Variants in FAM163A observed in about 807,000 individuals in gnomAD.
FAM163A encodes the protein protein FAM163A.
FAM163A carries 7 observed loss-of-function variants against 12.0 expected under a neutral mutation model. The observed-to-expected ratio is 0.58, with a 90% CI of 0.33 to 1.10. The LOEUF is 1.10. Ranked by LOEUF, FAM163A falls within the 50% of genes least tolerant of loss-of-function variation. The pLI is 0.03. For synonymous variants in FAM163A, 101 were observed against 91.0 expected, an observed-to-expected ratio of 1.11 and a Z score of -0.62; for missense variants, 202 against 218.6, an observed-to-expected ratio of 0.92 and a Z score of 0.48.
rs1557990575 is a variant in FAM163A, at chr1:179,815,110, CACA to C, written c.*922_*924del. 2.0e-3 allele frequency: 95 copies of C among 47,426 alleles called. 2 individuals are homozygous for C. Among genetic ancestry groups the C allele is most frequent in the African/African-American group, 0.012 (93 of 7,492 alleles). The allele number at this position is 47,426 out of a possible 1,614,324, so 2.9% of individuals were successfully genotyped here. On this transcript the variant is annotated 3_prime_UTR_variant, in exon 5 of 5. Transcript: ENST00000341785. ...AGGTGTACGCACGCGCGCGCGCGCG[CACA>C]GACACACACACACACACACACACAC...
intron 1 of FAM163A, among the ~76,000 whole-genome samples, chr1:179,750,598 T>C (rs903203842): frequency 6.6e-6 from 1 of 152,150 alleles, no homozygotes; most frequent in African/African-American, 2.4e-5. Flanking sequence ...GGGGAAATCA[T>C]ACAACATGAG....
rs569362292 is a variant in FAM163A at position 179,767,069 on chromosome 1, C to T, written c.-136+23646C>T. On this transcript the variant is annotated intron_variant, in intron 1 of 4. Coordinates refer to ENST00000341785, the MANE Select transcript of FAM163A (RefSeq NM_173509.3). ...CCGCCCCCGGCCTTTACTCCTTTTT[C>T]GAAGCTACAAACAGGAGTCCTCCCT... Among the ~76,000 whole-genome samples, 10 of 152,124 alleles carry T rather than the reference C, an allele frequency of 6.6e-5. No individual in the cohort carries two copies. In the East Asian group the frequency reaches 1.2e-3, roughly 18 times the overall value.
Position 179,797,014 on chromosome 1 carries a change from G to A in FAM163A, c.-135-10784G>A, listed in dbSNP as rs563203775. On this transcript the variant is annotated intron_variant, in intron 1 of 4. Coordinates refer to ENST00000341785, the MANE Select transcript of FAM163A (RefSeq NM_173509.3). ...CTGCCCACTTTCACCTCCACTTCTGGGGAAGAGTGAGAAGCTGCAGTTTAG... is the reference window on the plus strand; with the variant it reads ...CTGCCCACTTTCACCTCCACTTCTGAGGAAGAGTGAGAAGCTGCAGTTTAG... 3.9e-5 allele frequency among the ~76,000 whole-genome samples: 6 copies of A among 152,316 alleles called. No homozygotes were observed. The East Asian group carries it at 1.2e-3, about 29-fold the overall frequency.
chr1:179,776,198 A>G (rs551976195), intron 1 of FAM163A, among the ~76,000 whole-genome samples: 2 of 152,314 alleles, frequency 1.3e-5, no homozygotes, highest in Non-Finnish European at 2.9e-5. Flanking sequence ...CACATGAAAG[A>G]GAAACCACCT....
chr1:179,802,816 G>A (rs985801433), intron 1 of FAM163A, among the ~76,000 whole-genome samples: 1 of 152,086 alleles, frequency 6.6e-6, no homozygotes, highest in Admixed American at 6.6e-5. Context: ...AATTAATAAT[G>A]AGTTGGTGCA....
rs1695135446 is a variant in FAM163A at position 179,814,546 on chromosome 1, C to T, written c.*357C>T. The T allele has an allele frequency of 4.8e-6, 1 of 207,192 alleles. No individual in the cohort carries two copies. The highest frequency in any genetic ancestry group is 2.3e-5 in the African/African-American group (1 of 43,088). 12.8% of individuals were successfully genotyped at this position (207,192 alleles called of 1,614,324 possible). On this transcript the variant is annotated 3_prime_UTR_variant, in exon 5 of 5. Coordinates refer to ENST00000341785, the MANE Select transcript of FAM163A (RefSeq NM_173509.3). ...AAAAGGAGCACCAGGGAAAGCTCAG[C>T]AAAGGCTCAGGAGGCCTCCCGGGTC...
rs1690025120 is a variant in FAM163A, at chr1:179,783,110, CAA to C, written c.-135-24687_-135-24686del. ...TGCCATTGCACTCCAACCTGGGCGA[CAA>C]GAGTGAAACTCCGTCTTAAAAAAAA... On this transcript the variant is annotated intron_variant, in intron 1 of 4. Transcript: ENST00000341785. Among the ~76,000 whole-genome samples, 4 of 140,720 alleles carry C rather than the reference CAA, an allele frequency of 2.8e-5. No individual in the cohort carries two copies. The Admixed American group carries it at 2.9e-4, about 10-fold the overall frequency. The allele number at this position is 140,720 out of a possible 152,430, so 92.3% of individuals were successfully genotyped here. A position where few individuals can be genotyped will look rare whatever the true frequency, so the allele number is the denominator to read the frequency against.
chr1:179,778,533 G>A (rs1231278499), intron 1 of FAM163A, among the ~76,000 whole-genome samples: 2 of 152,194 alleles, frequency 1.3e-5, no homozygotes, highest in Non-Finnish European at 2.9e-5. Context: ...TGCCCCAGGA[G>A]CAGAGGGAAG....
chr1:179,774,794 C>T (rs1430387728), intron 1 of FAM163A, among the ~76,000 whole-genome samples: 2 of 152,192 alleles, frequency 1.3e-5, no homozygotes, highest in Admixed American at 1.3e-4. Context: ...CATCTCCATG[C>T]TGTCCCCACT....
In FAM163A at chr1:179,749,184, CA is replaced by C. The variant is rs1169013454; in HGVS notation, c.-136+5766del. Among the ~76,000 whole-genome samples, 14 of 152,192 alleles carry C rather than the reference CA, an allele frequency of 9.2e-5. No homozygotes were observed. The South Asian group carries it at 2.5e-3, about 27-fold the overall frequency. On this transcript the variant is annotated intron_variant, in intron 1 of 4. Transcript: ENST00000341785. Reference sequence around the variant, plus strand: ...CTCTCATTCATCTACTCTTGCATTCCAAAAACATGATCTTTGTGCCTGGACC... The same window carrying C: ...CTCTCATTCATCTACTCTTGCATTCCAAAACATGATCTTTGTGCCTGGACC...
At chr1:179,732,375 C>T in the FAM163A span, among the ~76,000 whole-genome samples, 10 of 152,180 alleles carry the variant, frequency 6.6e-5, no homozygotes, top group African/African-American at 2.2e-4. Flanking sequence ...TGGTGCTGGG[C>T]AAAGCTTTTT....
chr1:179,791,158 A>G (rs1691436847), intron 1 of FAM163A, among the ~76,000 whole-genome samples: 1 of 152,174 alleles, frequency 6.6e-6, no homozygotes, highest in African/African-American at 2.4e-5. Context: ...GATAATATAA[A>G]CGTCCAAGAG....
At chr1:179,747,080 T>A (rs2147957823) in intron 1 of FAM163A, among the ~76,000 whole-genome samples, 1 of 151,674 alleles carries the variant, frequency 6.6e-6, no homozygotes. Context: ...ACACTGTGAC[T>A]GGACATCAGA....
At chr1:179,774,924 G>C (rs1688739474) in intron 1 of FAM163A, among the ~76,000 whole-genome samples, 1 of 152,192 alleles carries the variant, frequency 6.6e-6, no homozygotes. Context: ...AGCAGGTCTT[G>C]ACTGCAAATT....
intron 2 of FAM163A, among the ~76,000 whole-genome samples, chr1:179,809,753 G>A (rs774742826): frequency 3.4e-4 from 52 of 152,136 alleles, no homozygotes; most frequent in Admixed American, 1.0e-3. Flanking sequence ...CCAGCTTCAG[G>A]TCACTCCTAG....
intron 1 of FAM163A, among the ~76,000 whole-genome samples, chr1:179,755,258 T>A (rs1685856540): frequency 6.6e-6 from 1 of 152,068 alleles, no homozygotes; most frequent in Admixed American, 6.6e-5. Context: ...TAACCAAGAT[T>A]CACTGTGATT....
intron 1 of FAM163A, among the ~76,000 whole-genome samples, chr1:179,781,906 C>T (rs1285087861): frequency 2.0e-5 from 3 of 148,648 alleles, no homozygotes; most frequent in South Asian, 4.3e-4. Flanking sequence ...TGCACTCTAG[C>T]CTGGGCAACA....
At chr1:179,752,400 TGGATATGAAAATCACA>T (rs1161330260) in intron 1 of FAM163A, among the ~76,000 whole-genome samples, 5 of 149,788 alleles carry the variant, frequency 3.3e-5, no homozygotes, top group Non-Finnish European at 7.4e-5. Flanking sequence ...AATGATTTCA[TGGATATGAAAATCACA>T]GGCCACAAAA....
intron 1 of FAM163A, among the ~76,000 whole-genome samples, chr1:179,796,140 C>CAT (rs1692283096): frequency 1.3e-5 from 2 of 149,064 alleles, no homozygotes; most frequent in African/African-American, 4.9e-5. Context: ...AATACACACA[C>CAT]ACACACACAC....
Sources: allele counts gnomAD v4.1 joint callset (sites outside exome capture counted in the v4.1 genomes callset), GRCh38; gene constraint gnomAD v4.1.1; transcripts MANE v1.5; gene names NCBI Gene and HGNC (gene_info 2026-07-23, HGNC 2026-07-21).